ANKRD10: variants seen among roughly 807,000 people sequenced by gnomAD.
ANKRD10 encodes the protein ankyrin repeat domain 10, also known as ankyrin repeat domain-containing protein 10.
ANKRD10 carries 14 observed loss-of-function variants against 27.0 expected under a neutral mutation model. The observed-to-expected ratio is 0.52, with a 90% CI of 0.34 to 0.81. ANKRD10 has a LOEUF of 0.81. ANKRD10 is among the 40% of genes least tolerant of loss of function. The pLI, the probability that ANKRD10 is intolerant of heterozygous loss-of-function variation, is 0.01. For missense variants in ANKRD10, 493 were observed against 544.0 expected (o/e 0.91, Z 0.93); for synonymous variants, 250 against 224.5 (o/e 1.11, Z -1.01).
At chr13:110,898,763 T>C (rs1192948512) in intron 3 of ANKRD10, among the ~76,000 whole-genome samples, 6 of 145,986 alleles carry the variant, frequency 4.1e-5, no homozygotes, top group African/African-American at 1.5e-4. Context: ...TTTTTTTTTT[T>C]TTTTTTTTTG....
intron 3 of ANKRD10, chr13:110,904,334 T>G (rs530595912): frequency 6.6e-6 from 1 of 152,168 alleles, no homozygotes; most frequent in Non-Finnish European, 1.5e-5. Context: ...AAAGAGACAC[T>G]TGAGGGCCCT....
intron 2 of ANKRD10, among the ~76,000 whole-genome samples, chr13:110,910,158 T>C (rs979473927): frequency 2.0e-5 from 3 of 152,250 alleles, no homozygotes; most frequent in Admixed American, 6.5e-5. Flanking sequence ...TCAAGTCACT[T>C]ACTCTTCCCA....
chr13:110,910,983 T>C (rs1008837781), intron 1 of ANKRD10, among the ~76,000 whole-genome samples: 1 of 152,068 alleles, frequency 6.6e-6, no homozygotes, highest in Non-Finnish European at 1.5e-5. Context: ...TAGATAGAAA[T>C]AGAAAAATGC....
At chr13:110,891,653 C>T (rs540610131) in intron 4 of ANKRD10, among the ~76,000 whole-genome samples, 7 of 152,140 alleles carry the variant, frequency 4.6e-5, no homozygotes, top group Middle Eastern at 3.4e-3. Flanking sequence ...GAAATTTAAC[C>T]AAAATCTCTA....
At chr13:110,891,231 A>G (rs1001469917) in intron 4 of ANKRD10, among the ~76,000 whole-genome samples, 2 of 152,232 alleles carry the variant, frequency 1.3e-5, no homozygotes, top group Non-Finnish European at 2.9e-5. Context: ...CCACTCTACA[A>G]TACTAACCAG....
chr13:110,914,914 G>GCCCGCT lies in ANKRD10; in HGVS notation c.15_20dup (p.Ala8_Gly9dup), dbSNP rs1453840290. 2 of 1,534,698 alleles carry GCCCGCT rather than the reference G, an allele frequency of 1.3e-6. No homozygotes were observed. The highest frequency in any genetic ancestry group is 2.5e-5 in the East Asian group (1 of 40,772). On this transcript the variant is annotated inframe_insertion, in exon 1 of 6. Transcript: ENST00000267339. ...TGGAGAAGCCCGCCTCTACGCCCGC[G>GCCCGCT]CCCGCTCCCGCCGCCGACATGGTCC... is the stretch of plus-strand genomic sequence containing the variant.
At chr13:110,898,760 T>C (rs1331191031) in intron 3 of ANKRD10, among the ~76,000 whole-genome samples, 6 of 141,648 alleles carry the variant, frequency 4.2e-5, no homozygotes, top group Admixed American at 3.0e-4. Context: ...CTTTTTTTTT[T>C]TTTTTTTTTT....
At chr13:110,914,080 G>C (rs2065803334) in intron 1 of ANKRD10, among the ~76,000 whole-genome samples, 1 of 152,216 alleles carries the variant, frequency 6.6e-6, no homozygotes, top group Non-Finnish European at 1.5e-5. Context: ...AGCGGGGCCA[G>C]CTACAAGCCT....
At position 110,880,132 on chromosome 13, in the gene ANKRD10, T is replaced by C. The variant is rs1425255442; in HGVS notation, c.788-20A>G. ...TCATATCTGCATTAAGAAATACACC[T>C]GTCACCAAAATTCAGAACCAATGAG... On this transcript the variant is annotated intron_variant, in intron 5 of 5. Coordinates refer to ENST00000267339, the MANE Select transcript of ANKRD10 (RefSeq NM_017664.4). 1 of 1,591,986 alleles carries C rather than the reference T, an allele frequency of 6.3e-7. No individual in the cohort carries two copies. The highest frequency in any genetic ancestry group is 8.6e-7 in the Non-Finnish European group (1 of 1,164,270).
intron 3 of ANKRD10, 40 bp from the exon 4 acceptor site, chr13:110,893,303 T>C: frequency 6.3e-7 from 1 of 1,593,860 alleles, no homozygotes; most frequent in Non-Finnish European, 8.6e-7. Context: ...CCCATCCGCG[T>C]GCTAACCTGG....
intron 5 of ANKRD10, 37 bp from the exon 6 acceptor site, chr13:110,880,149 A>T (rs762119301): frequency 5.1e-5 from 79 of 1,548,048 alleles, no homozygotes; most frequent in Middle Eastern, 1.7e-4. Flanking sequence ...AAAATTCAGA[A>T]CCAATGAGGG....
chr13:110,905,291 T>C (rs1379457423), intron 3 of ANKRD10: 1 of 152,164 alleles, frequency 6.6e-6, no homozygotes, highest in Admixed American at 6.5e-5. Flanking sequence ...TACAAATAAA[T>C]GTAACAACTA....
chr13:110,883,590 C>A (rs748289597), intron 5 of ANKRD10, 108 bp downstream of exon 5: 167 of 1,505,668 alleles, frequency 1.1e-4, no homozygotes, highest in Non-Finnish European at 1.3e-4. Context: ...ATTGCTGACA[C>A]AGTATATATT....
intron 2 of ANKRD10, among the ~76,000 whole-genome samples, chr13:110,908,429 C>G (rs2065600052): frequency 2.0e-5 from 3 of 152,170 alleles, no homozygotes; most frequent in Admixed American, 2.0e-4. Flanking sequence ...CTTTGGTAAT[C>G]TCACCTCAGA....
chr13:110,902,219 G>A (rs1210991491), intron 3 of ANKRD10, among the ~76,000 whole-genome samples: 1 of 151,936 alleles, frequency 6.6e-6, no homozygotes, highest in East Asian at 1.9e-4. Flanking sequence ...AAGAAACCAC[G>A]AATTTCAAAA....
At chr13:110,892,734 A>G (rs2065114616) in intron 4 of ANKRD10, 3 of 1,060,970 alleles carry the variant, frequency 2.8e-6, no homozygotes, top group Admixed American at 1.0e-4. Flanking sequence ...TATATTTCAA[A>G]CAGATACAAC....
At chr13:110,900,820 GATTAAAAAT>G (rs1403169925) in intron 3 of ANKRD10, 1 of 549,376 alleles carries the variant, frequency 1.8e-6, no homozygotes, top group East Asian at 6.0e-5. Context: ...GCAACATTTG[GATTAAAAAT>G]ACATAGACAA....
intron 3 of ANKRD10, among the ~76,000 whole-genome samples, chr13:110,900,086 G>A (rs1241108371): frequency 1.2e-5 from 1 of 80,560 alleles, no homozygotes; most frequent in Non-Finnish European, 3.9e-5. Context: ...CTCCCCCAAA[G>A]AACTTTCACT....
chr13:110,888,813 T>C (rs767219137), intron 4 of ANKRD10, among the ~76,000 whole-genome samples: 5 of 152,240 alleles, frequency 3.3e-5, no homozygotes, highest in Non-Finnish European at 5.9e-5. Flanking sequence ...TGTTTTTATA[T>C]TCAATACCTT....
Sources: gnomAD v4.1 joint callset for allele counts (sites outside exome capture counted in the v4.1 genomes callset) on GRCh38, gnomAD v4.1.1 for gene constraint, MANE v1.5 for transcripts, NCBI Gene and HGNC (gene_info 2026-07-23, HGNC 2026-07-21) for gene names.